Variants in NFIB observed in about 807,000 individuals in gnomAD.
The protein encoded by NFIB is nuclear factor I B.
A neutral mutation model predicts 61.5 loss-of-function variants in NFIB; 11 were observed. The ratio of observed to expected loss-of-function variants is 0.18; its 90% CI spans 0.11 to 0.30. NFIB has a LOEUF of 0.30. Among genes scored for constraint, NFIB ranks in the 10% least tolerant of loss-of-function variants. The pLI is 1.00. For synonymous variants in NFIB, 260 were observed against 216.5 expected (o/e 1.20, Z -1.76); for missense variants, 471 against 608.9 (o/e 0.77, Z 2.38).
At chr9:14,275,530 C>T (rs911178938) in intron 2 of NFIB, among the ~76,000 whole-genome samples, 5 of 152,108 alleles carry the variant, frequency 3.3e-5, no homozygotes, top group Admixed American at 6.6e-5. Context: ...CCTGAGTCAT[C>T]CCATTCACAA....
At chr9:14,148,798 T>C (rs1457570161) in intron 5 of NFIB, among the ~76,000 whole-genome samples, 4 of 152,242 alleles carry the variant, frequency 2.6e-5, no homozygotes, top group Non-Finnish European at 5.9e-5. Flanking sequence ...ATTAACGATG[T>C]AGAAGATGGC....
At chr9:14,142,750 A>G (rs1162155847) in intron 6 of NFIB, among the ~76,000 whole-genome samples, 1 of 152,204 alleles carries the variant, frequency 6.6e-6, no homozygotes, top group African/African-American at 2.4e-5. Context: ...ATCTGGTTCT[A>G]TTCATTAATC....
intron 2 of NFIB, among the ~76,000 whole-genome samples, chr9:14,238,087 G>A (rs1185433334): frequency 2.6e-5 from 4 of 152,028 alleles, no homozygotes; most frequent in African/African-American, 9.7e-5. Flanking sequence ...GGTAGCTGGA[G>A]TGGTAGGAGA....
the NFIB span, among the ~76,000 whole-genome samples, chr9:14,432,086 T>G: frequency 6.6e-6 from 1 of 152,190 alleles, no homozygotes; most frequent in South Asian, 2.1e-4. Context: ...GGCTCTCTTG[T>G]ATGCTACATA....
intron 2 of NFIB, among the ~76,000 whole-genome samples, chr9:14,259,551 G>A (rs913744574): frequency 2.6e-5 from 4 of 152,150 alleles, no homozygotes; most frequent in Admixed American, 6.5e-5. Flanking sequence ...TTAGACTCTG[G>A]AAAGACAGCT....
At chr9:14,090,004 G>A (rs1242530108) in intron 10 of NFIB, among the ~76,000 whole-genome samples, 1 of 152,078 alleles carries the variant, frequency 6.6e-6, no homozygotes, top group African/African-American at 2.4e-5. Flanking sequence ...CTCTAGTAAA[G>A]TACCTAGCAC....
chr9:14,252,891 C>T (rs940180782), intron 2 of NFIB, among the ~76,000 whole-genome samples: 1 of 135,040 alleles, frequency 7.4e-6, no homozygotes, highest in Non-Finnish European at 1.6e-5. Context: ...AGAAGTCCAT[C>T]TGTCAAGGAA....
chr9:14,225,478 AAAG>A (rs199823041), intron 2 of NFIB, among the ~76,000 whole-genome samples: 8,330 of 80,936 alleles, frequency 0.1, 653 homozygotes, highest in East Asian at 0.17. Context: ...AAAAAAAAAA[AAAG>A]AAGAAGAAGA....
At chr9:14,504,390 T>C in the NFIB span, among the ~76,000 whole-genome samples, 1 of 152,174 alleles carries the variant, frequency 6.6e-6, no homozygotes, top group African/African-American at 2.4e-5. Context: ...TTGATGGGAA[T>C]TGCATTGAAT....
At chr9:14,350,435 T>C (rs2061092895) in intron 1 of NFIB, among the ~76,000 whole-genome samples, 1 of 151,782 alleles carries the variant, frequency 6.6e-6, no homozygotes, top group East Asian at 1.9e-4. Flanking sequence ...GTCGGAGTTG[T>C]TGCTACCTGC....
the NFIB span, among the ~76,000 whole-genome samples, chr9:14,469,660 C>T: frequency 0.22 from 32,694 of 152,042 alleles, 3,952 homozygotes; most frequent in East Asian, 0.33. Context: ...CATTTTCCTC[C>T]CTCTTTCTAC....
At chr9:14,308,235 G>C (rs1015012983) in intron 1 of NFIB, among the ~76,000 whole-genome samples, 2 of 152,104 alleles carry the variant, frequency 1.3e-5, no homozygotes, top group South Asian at 2.1e-4. Flanking sequence ...AGTGGGCAAA[G>C]GACACAGCTC....
At chr9:14,225,923 T>A (rs2052353127) in intron 2 of NFIB, among the ~76,000 whole-genome samples, 1 of 152,214 alleles carries the variant, frequency 6.6e-6, no homozygotes, top group African/African-American at 2.4e-5. Context: ...TCTGAATGAA[T>A]CACATTTCAG....
intron 2 of NFIB, among the ~76,000 whole-genome samples, chr9:14,231,907 T>A (rs1587800575): frequency 6.6e-6 from 1 of 152,172 alleles, no homozygotes; most frequent in South Asian, 2.1e-4. Flanking sequence ...AAATCTCATT[T>A]TTCCCCTTCT....
chr9:14,515,600 G>C, the NFIB span, among the ~76,000 whole-genome samples: 28,823 of 152,032 alleles, frequency 0.19, 3,205 homozygotes, highest in East Asian at 0.42. Flanking sequence ...CGTGGGCCCA[G>C]GAATGTGAGT....
chr9:14,440,320 T>C, the NFIB span, among the ~76,000 whole-genome samples: 1 of 152,156 alleles, frequency 6.6e-6, no homozygotes, highest in African/African-American at 2.4e-5. Context: ...TGATCCAGAA[T>C]CCCTGAAGTG....
chr9:14,242,421 A>G (rs1382462653), intron 2 of NFIB, among the ~76,000 whole-genome samples: 1 of 152,222 alleles, frequency 6.6e-6, no homozygotes, highest in Non-Finnish European at 1.5e-5. Context: ...GGGGATTTAG[A>G]TCACCCATGC....
chr9:14,478,173 T>C, the NFIB span, among the ~76,000 whole-genome samples: 8 of 152,196 alleles, frequency 5.3e-5, no homozygotes, highest in African/African-American at 1.9e-4. Flanking sequence ...CATTAGTGAC[T>C]TTAGTGACGA....
At chr9:14,167,791 A>C (rs2045057224) in intron 3 of NFIB, among the ~76,000 whole-genome samples, 1 of 152,312 alleles carries the variant, frequency 6.6e-6, no homozygotes, top group East Asian at 1.9e-4. Flanking sequence ...CTAGAATGTT[A>C]TCTTACCAGG....
Sources: allele counts gnomAD v4.1 joint callset (sites outside exome capture counted in the v4.1 genomes callset), GRCh38; gene constraint gnomAD v4.1.1; transcripts MANE v1.5; gene names NCBI Gene and HGNC (gene_info 2026-07-23, HGNC 2026-07-21).